The following NUP210L variants were observed in gnomAD, a reference collection of about 807,000 sequenced individuals.
The protein encoded by NUP210L is nuclear pore membrane glycoprotein 210-like.
In NUP210L, 74 loss-of-function variants were observed where a neutral mutation model predicts 208.5. That is an observed-to-expected ratio of 0.35 (90% confidence interval 0.29 to 0.43). The LOEUF (loss-of-function observed/expected upper bound fraction) is 0.43. Ranked by LOEUF, NUP210L falls within the 20% of genes least tolerant of loss-of-function variation. NUP210L has a pLI of 1.00. For missense variants in NUP210L, 1,843 were observed against 2,289.4 expected, an observed-to-expected ratio of 0.81 and a Z score of 3.98; for synonymous variants, 780 against 816.9, an observed-to-expected ratio of 0.95 and a Z score of 0.77.
At chr1:154,084,850 C>T (rs1655540733) in intron 16 of NUP210L, among the ~76,000 whole-genome samples, 1 of 149,166 alleles carries the variant, frequency 6.7e-6, no homozygotes. Flanking sequence ...GTTCTCTAAT[C>T]ACAGTGGAGT....
intron 25 of NUP210L, among the ~76,000 whole-genome samples, chr1:154,048,446 G>A (rs903544032): frequency 2.6e-5 from 4 of 152,158 alleles, no homozygotes; most frequent in African/African-American, 9.7e-5. Flanking sequence ...GTTTAAACAG[G>A]CCATTAATCA....
In NUP210L at chr1:154,053,130, G is replaced by A. The variant is rs1008047995; in HGVS notation, c.3483+1098C>T. Among the ~76,000 whole-genome samples, 4 of 152,200 alleles carry A rather than the reference G, an allele frequency of 2.6e-5. No individual in the cohort carries two copies. In the South Asian group the frequency reaches 6.2e-4, roughly 24 times the overall value. On this transcript the variant is annotated intron_variant, in intron 25 of 39. Transcript: ENST00000368559. ...AGGACACTCTGCAAACTTGTCTTTG[G>A]ATATTGCAAAATTAAAAGAACAAAT...
intron 37 of NUP210L, among the ~76,000 whole-genome samples, chr1:153,997,281 C>T (rs1042050400): frequency 2.0e-5 from 3 of 149,554 alleles, no homozygotes; most frequent in Non-Finnish European, 4.4e-5. Context: ...TTTTTTAACA[C>T]CTGAATAATT....
chr1:154,126,009 C>A (rs978457012), intron 10 of NUP210L, among the ~76,000 whole-genome samples: 5 of 151,156 alleles, frequency 3.3e-5, no homozygotes, highest in Non-Finnish European at 7.4e-5. Flanking sequence ...ACCTCGTGAT[C>A]CGCCCGCCTC....
intron 30 of NUP210L, among the ~76,000 whole-genome samples, chr1:154,023,952 T>A (rs1200261980): frequency 1.3e-5 from 2 of 151,848 alleles, no homozygotes; most frequent in Admixed American, 6.6e-5. Flanking sequence ...AATGCCCGGC[T>A]AATTTTTTTG....
intron 16 of NUP210L, among the ~76,000 whole-genome samples, chr1:154,087,314 C>A (rs2148041138): frequency 7.4e-6 from 1 of 134,306 alleles, no homozygotes; most frequent in South Asian, 2.4e-4. Context: ...GAATGAAGCT[C>A]CATCTCAAAA....
intron 7 of NUP210L, among the ~76,000 whole-genome samples, chr1:154,131,094 G>A (rs533487191): frequency 5.9e-5 from 9 of 151,476 alleles, no homozygotes; most frequent in Admixed American, 2.0e-4. Context: ...GTGAAACCCC[G>A]TCTCTGCTAA....
intron 16 of NUP210L, among the ~76,000 whole-genome samples, chr1:154,075,528 A>C (rs140497606): frequency 4.1e-4 from 63 of 152,260 alleles, no homozygotes; most frequent in African/African-American, 1.4e-3. Context: ...AAGAGTACAG[A>C]TGTTACAGAA....
intron 16 of NUP210L, among the ~76,000 whole-genome samples, chr1:154,081,840 G>A (rs1655347101): frequency 6.6e-6 from 1 of 151,922 alleles, no homozygotes; most frequent in Non-Finnish European, 1.5e-5. Context: ...AAAATTAGCT[G>A]AGTGTAATGG....
intron 38 of NUP210L, among the ~76,000 whole-genome samples, chr1:153,993,379 A>G (rs1295220336): frequency 6.6e-6 from 1 of 151,594 alleles, no homozygotes; most frequent in Non-Finnish European, 1.5e-5. Context: ...ATCCTGGCTA[A>G]CACAGTGAAA....
chr1:154,089,843 T>TA, intron 15 of NUP210L, among the ~76,000 whole-genome samples: 1 of 152,222 alleles, frequency 6.6e-6, no homozygotes, highest in South Asian at 2.1e-4. Flanking sequence ...CTCATGCCTA[T>TA]AATCCCAGCA....
chr1:154,060,403 G>A (rs1185154593), intron 20 of NUP210L, 137 bp downstream of exon 20: 2 of 562,326 alleles, frequency 3.6e-6, no homozygotes, highest in Non-Finnish European at 6.2e-6. Flanking sequence ...TTTGGTTGAA[G>A]AATCTATATA....
chr1:154,050,493 A>G (rs191559699), intron 25 of NUP210L, among the ~76,000 whole-genome samples: 2 of 151,886 alleles, frequency 1.3e-5, no homozygotes, highest in African/African-American at 4.8e-5. Context: ...GTCCAAGAGC[A>G]GGACTTAGTA....
At chr1:154,045,961 G>A in intron 27 of NUP210L, 108 bp downstream of exon 27, 1 of 1,029,132 alleles carries the variant, frequency 9.7e-7, no homozygotes. Context: ...CTCCAGCCTG[G>A]GGGACAGAGT....
At chr1:154,115,117 T>C (rs1324292918) in intron 12 of NUP210L, among the ~76,000 whole-genome samples, 1 of 152,204 alleles carries the variant, frequency 6.6e-6, no homozygotes, top group Non-Finnish European at 1.5e-5. Flanking sequence ...TCCATTCTAA[T>C]CTACTAGTCT....
intron 13 of NUP210L, among the ~76,000 whole-genome samples, chr1:154,100,555 G>A (rs1225658012): frequency 9.8e-6 from 1 of 101,754 alleles, no homozygotes; most frequent in Non-Finnish European, 1.8e-5. Context: ...TCTCGCTCTT[G>A]TTGCCCAGGC....
At chr1:154,058,406 T>C (rs190261569) in intron 21 of NUP210L, among the ~76,000 whole-genome samples, 159 bp downstream of exon 21, 1 of 152,358 alleles carries the variant, frequency 6.6e-6, no homozygotes, top group East Asian at 1.9e-4. Context: ...TTCATCTGTT[T>C]AATGTTGAAA....
intron 25 of NUP210L, among the ~76,000 whole-genome samples, chr1:154,050,363 T>C (rs944337142): frequency 1.3e-5 from 2 of 152,210 alleles, no homozygotes; most frequent in Admixed American, 1.3e-4. Context: ...CAAAGGAGGC[T>C]GAGGCAGAGT....
chr1:154,118,677 T>C, exon 11 of NUP210L: 1 of 1,592,526 alleles, frequency 6.3e-7, no homozygotes, highest in Non-Finnish European at 8.6e-7. Flanking sequence ...ATACCTGTAC[T>C]TTATAACGAT....
Sources: gnomAD v4.1 joint callset for allele counts (sites outside exome capture counted in the v4.1 genomes callset) on GRCh38, gnomAD v4.1.1 for gene constraint, MANE v1.5 for transcripts, NCBI Gene and HGNC (gene_info 2026-07-23, HGNC 2026-07-21) for gene names.